Variants in CRACR2A observed in about 807,000 individuals in gnomAD.
The protein encoded by CRACR2A is EF-hand calcium-binding domain-containing protein 4B.
A neutral mutation model predicts 90.5 loss-of-function variants in CRACR2A; 79 were observed. The ratio of observed to expected loss-of-function variants is 0.87; its 90% CI spans 0.73 to 1.05. CRACR2A has a LOEUF of 1.05. Among genes scored for constraint, CRACR2A ranks in the 50% least tolerant of loss-of-function variants. The pLI, the probability that CRACR2A is intolerant of heterozygous loss-of-function variation, is 0.00. For missense variants in CRACR2A, 823 were observed against 897.2 expected (o/e 0.92, Z 1.06); for synonymous variants, 338 against 356.7 (o/e 0.95, Z 0.59).
chr12:3,649,093 G>A (rs1278140968), intron 10 of CRACR2A, among the ~76,000 whole-genome samples: 4 of 151,950 alleles, frequency 2.6e-5, no homozygotes, highest in Non-Finnish European at 4.4e-5. Flanking sequence ...GGTGGGGGAA[G>A]GGGGGAGGGA....
At chr12:3,646,292 G>A (rs1033030773) in intron 11 of CRACR2A, among the ~76,000 whole-genome samples, 5 of 152,222 alleles carry the variant, frequency 3.3e-5, no homozygotes, top group African/African-American at 1.2e-4. Flanking sequence ...GTGCTTAGCA[G>A]TTTTGTGATT....
chr12:3,630,379 G>C (rs1944357728), intron 15 of CRACR2A, among the ~76,000 whole-genome samples: 1 of 152,148 alleles, frequency 6.6e-6, no homozygotes, highest in South Asian at 2.1e-4. Context: ...CAGGAGTGAT[G>C]GGGAGCAGGG....
chr12:3,638,347 G>C lies in CRACR2A; in HGVS notation c.1379C>G (p.Pro460Arg). The stretch of plus-strand genomic sequence containing the variant: ...GAGCGGCCGGGGGTACGGACCCCCA[G>C]GCCCTGGCTCCCCGGTTCCTGGCTC... ...EEEPGTGEPG[P>R]GGPYPRPLRR... is the part of the protein sequence containing the mutation. Residue 460 changes from proline (P) to arginine (R), a missense_variant, in exon 14 of 20, where the codon CCT becomes CGT. Transcript: ENST00000440314. 1 of 1,551,614 alleles carries C rather than the reference G, an allele frequency of 6.4e-7. No individual in the cohort carries two copies. Among genetic ancestry groups the C allele is most frequent in the Non-Finnish European group, 8.7e-7 (1 of 1,146,954 alleles).
chr12:3,680,550 C>A (rs1945429122), intron 4 of CRACR2A, among the ~76,000 whole-genome samples: 1 of 152,198 alleles, frequency 6.6e-6, no homozygotes, highest in African/African-American at 2.4e-5. Context: ...GATTGGGTGC[C>A]TACGAATGTA....
intron 9 of CRACR2A, 83 bp from the exon 10 acceptor site, chr12:3,654,482 C>G: frequency 7.1e-7 from 1 of 1,407,928 alleles, no homozygotes; most frequent in Non-Finnish European, 9.5e-7. Context: ...CTTGTTTTCT[C>G]TGCTTGGCAG....
At chr12:3,648,099 T>C (rs893934933) in intron 11 of CRACR2A, 1 of 1,000,832 alleles carries the variant, frequency 1.0e-6, no homozygotes, top group Non-Finnish European at 1.2e-6. Flanking sequence ...AGTAGCTGTG[T>C]CGCCTGTGGT....
chr12:3,629,852 G>GT (rs1171139257), intron 15 of CRACR2A, among the ~76,000 whole-genome samples: 1 of 133,040 alleles, frequency 7.5e-6, no homozygotes, highest in Non-Finnish European at 1.5e-5. Context: ...AAGACAAGGG[G>GT]GGGGGGGGAT....
intron 2 of CRACR2A, among the ~76,000 whole-genome samples, chr12:3,721,585 C>CAA (rs60808773): frequency 0.045 from 5,129 of 113,580 alleles, 210 homozygotes; most frequent in Admixed American, 0.15. Flanking sequence ...AATCATGTCT[C>CAA]AAAAAAAAAA....
At chr12:3,686,769 C>A (rs1053370010) in intron 4 of CRACR2A, among the ~76,000 whole-genome samples, 5 of 152,158 alleles carry the variant, frequency 3.3e-5, no homozygotes, top group Admixed American at 2.6e-4. Context: ...CAGAGAGATT[C>A]CTCAAGAAGG....
intron 15 of CRACR2A, among the ~76,000 whole-genome samples, chr12:3,628,102 CCT>C (rs993195059): frequency 7.0e-5 from 10 of 142,656 alleles, no homozygotes; most frequent in East Asian, 4.4e-4. Flanking sequence ...TCTCTCCTTC[CCT>C]CTCTCTTTCC....
At chr12:3,661,235 G>A (rs1278603728) in intron 7 of CRACR2A, among the ~76,000 whole-genome samples, 1 of 152,100 alleles carries the variant, frequency 6.6e-6, no homozygotes, top group East Asian at 1.9e-4. Context: ...ATTTTGATTG[G>A]CATCCTTCCA....
At chr12:3,752,792 G>C (rs966565791) in intron 1 of CRACR2A, among the ~76,000 whole-genome samples, 13 of 152,122 alleles carry the variant, frequency 8.5e-5, no homozygotes, top group Admixed American at 6.5e-4. Context: ...CTCTCCTCCA[G>C]TCCCGTTACC....
In CRACR2A at chr12:3,716,887, GT is replaced by G. The variant is rs146046578; in HGVS notation, c.-117-3571del. On this transcript the variant is annotated intron_variant, in intron 2 of 19. Coordinates refer to ENST00000440314, the MANE Select transcript of CRACR2A (RefSeq NM_001144958.2). The stretch of plus-strand genomic sequence containing the variant: ...CAGATGTTATACCAAGTTAGTATGA[GT>G]TTATTTTGGTGCTAAAACAATTTTG... Among the ~76,000 whole-genome samples, 463 of 152,096 alleles carry G rather than the reference GT, an allele frequency of 3.0e-3. 4 individuals are homozygous for G. The highest frequency in any genetic ancestry group is 0.01 in the African/African-American group (425 of 41,504).
intron 2 of CRACR2A, among the ~76,000 whole-genome samples, chr12:3,722,946 C>T (rs1187120551): frequency 6.6e-6 from 1 of 152,210 alleles, no homozygotes; most frequent in Non-Finnish European, 1.5e-5. Context: ...CCTCTCTGAG[C>T]CTCAGTTTCC....
intron 7 of CRACR2A, among the ~76,000 whole-genome samples, chr12:3,663,391 G>A (rs1292485877): frequency 6.6e-6 from 1 of 152,176 alleles, no homozygotes; most frequent in Non-Finnish European, 1.5e-5. Flanking sequence ...TACCCCCAGT[G>A]ACAGAGAACT....
At chr12:3,707,522 G>A (rs1945946139) in intron 3 of CRACR2A, among the ~76,000 whole-genome samples, 1 of 152,220 alleles carries the variant, frequency 6.6e-6, no homozygotes, top group Admixed American at 6.5e-5. Context: ...ATTATGATTA[G>A]CTTTCCAATA....
chr12:3,736,337 G>A (rs1946449335), intron 1 of CRACR2A, among the ~76,000 whole-genome samples: 1 of 151,566 alleles, frequency 6.6e-6, no homozygotes, highest in Admixed American at 6.6e-5. Context: ...ATGACATCTA[G>A]CTTCAGAGGT....
At chr12:3,638,877 T>C (rs926398318) in intron 13 of CRACR2A, among the ~76,000 whole-genome samples, 1 of 152,184 alleles carries the variant, frequency 6.6e-6, no homozygotes. Context: ...CAGATTTTAA[T>C]AAAGCGCCCC....
intron 10 of CRACR2A, among the ~76,000 whole-genome samples, chr12:3,651,293 G>C (rs1362239392): frequency 6.6e-6 from 1 of 152,252 alleles, no homozygotes; most frequent in African/African-American, 2.4e-5. Context: ...GTGTGCACGT[G>C]TGTGCACGCA....
Sources: allele counts gnomAD v4.1 joint callset (sites outside exome capture counted in the v4.1 genomes callset), GRCh38; gene constraint gnomAD v4.1.1; transcripts MANE v1.5; gene names NCBI Gene and HGNC (gene_info 2026-07-23, HGNC 2026-07-21).